The following ASTN2 variants were observed in gnomAD, a reference collection of about 807,000 sequenced individuals.
The protein encoded by ASTN2 is astrotactin 2.
A neutral mutation model predicts 139.8 loss-of-function variants in ASTN2; 54 were observed. That is an observed-to-expected ratio of 0.39 (90% CI 0.31 to 0.48). The LOEUF is 0.48. ASTN2 is among the 20% of genes least tolerant of loss of function. The pLI is 0.95. For synonymous variants in ASTN2, 756 were observed against 719.5 expected (o/e 1.05, Z -0.81); for missense variants, 1,565 against 1,725.1 (o/e 0.91, Z 1.64).
intron 3 of ASTN2, among the ~76,000 whole-genome samples, chr9:117,141,742 T>C (rs1830081193): frequency 6.6e-6 from 1 of 152,216 alleles, no homozygotes; most frequent in African/African-American, 2.4e-5. Flanking sequence ...CCCTTGAGAC[T>C]AGAGGGCTTG....
intron 20 of ASTN2, among the ~76,000 whole-genome samples, chr9:116,446,382 C>T (rs1848000658): frequency 1.3e-5 from 2 of 152,048 alleles, no homozygotes; most frequent in South Asian, 4.2e-4. Context: ...GTCATCATCT[C>T]TCTGAAGCAG....
chr9:116,529,219 C>G (rs1851220543), intron 19 of ASTN2, among the ~76,000 whole-genome samples: 1 of 152,084 alleles, frequency 6.6e-6, no homozygotes, highest in Non-Finnish European at 1.5e-5. Context: ...GATGGAGTAC[C>G]CGAGGCCTTG....
chr9:117,225,425 T>A (rs1832672214), intron 2 of ASTN2, among the ~76,000 whole-genome samples: 1 of 150,894 alleles, frequency 6.6e-6, no homozygotes, highest in Non-Finnish European at 1.5e-5. Context: ...CATGAAAATA[T>A]ACAGATGGGC....
At chr9:116,508,259 A>G (rs1850198225) in intron 19 of ASTN2, among the ~76,000 whole-genome samples, 1 of 152,210 alleles carries the variant, frequency 6.6e-6, no homozygotes, top group South Asian at 2.1e-4. Flanking sequence ...GTCTTCAGAA[A>G]GCTGTCTTGA....
At chr9:117,137,418 G>T (rs1035816626) in intron 4 of ASTN2, among the ~76,000 whole-genome samples, 6 of 152,138 alleles carry the variant, frequency 3.9e-5, no homozygotes, top group Non-Finnish European at 7.4e-5. Flanking sequence ...AACCTCAATG[G>T]CAGGAGAGGG....
At chr9:117,286,211 A>C (rs1834445971) in intron 2 of ASTN2, among the ~76,000 whole-genome samples, 1 of 152,232 alleles carries the variant, frequency 6.6e-6, no homozygotes, top group African/African-American at 2.4e-5. Flanking sequence ...TTGAAATGCC[A>C]ATGTGACAAT....
At chr9:116,806,133 C>T (rs1431724979) in intron 12 of ASTN2, among the ~76,000 whole-genome samples, 1 of 152,200 alleles carries the variant, frequency 6.6e-6, no homozygotes, top group Non-Finnish European at 1.5e-5. Context: ...GCATGACATA[C>T]CAATTCACAG....
intron 4 of ASTN2, among the ~76,000 whole-genome samples, chr9:117,138,064 C>G (rs537923289): frequency 3.3e-5 from 5 of 152,124 alleles, no homozygotes; most frequent in Admixed American, 2.0e-4. Flanking sequence ...GATGTTAATA[C>G]GCTCATTTAC....
At chr9:117,027,689 C>G (rs1238068091) in intron 6 of ASTN2, among the ~76,000 whole-genome samples, 1 of 152,188 alleles carries the variant, frequency 6.6e-6, no homozygotes, top group Non-Finnish European at 1.5e-5. Flanking sequence ...GGAAAAGACT[C>G]CAAGCTTCCC....
intron 19 of ASTN2, among the ~76,000 whole-genome samples, chr9:116,495,900 C>T (rs758815038): frequency 2.2e-4 from 34 of 152,104 alleles, no homozygotes; most frequent in Non-Finnish European, 4.0e-4. Context: ...GGCTCCTTTC[C>T]TCACTCACGC....
chr9:116,481,916 T>C (rs932058961), intron 20 of ASTN2, among the ~76,000 whole-genome samples: 2 of 152,056 alleles, frequency 1.3e-5, no homozygotes, highest in Non-Finnish European at 2.9e-5. Context: ...AGGTGGGCAT[T>C]AAGAATCAGC....
At chr9:117,160,077 C>G (rs545071480) in intron 3 of ASTN2, among the ~76,000 whole-genome samples, 40 of 152,136 alleles carry the variant, frequency 2.6e-4, no homozygotes, top group African/African-American at 9.6e-4. Flanking sequence ...TGTGTCCTAC[C>G]TACTTACATC....
chr9:117,253,805 A>G (rs898861778), intron 2 of ASTN2, among the ~76,000 whole-genome samples: 1 of 152,184 alleles, frequency 6.6e-6, no homozygotes, highest in Non-Finnish European at 1.5e-5. Context: ...CTCTTGTCCT[A>G]GAATGAAGCT....
At chr9:117,137,769 G>A (rs965591511) in intron 4 of ASTN2, among the ~76,000 whole-genome samples, 1 of 151,886 alleles carries the variant, frequency 6.6e-6, no homozygotes, top group Non-Finnish European at 1.5e-5. Context: ...GGCTGTCTTG[G>A]GTAAGTTTGG....
At chr9:116,596,637 G>T (rs1033199737) in intron 19 of ASTN2, among the ~76,000 whole-genome samples, 1 of 152,030 alleles carries the variant, frequency 6.6e-6, no homozygotes, top group African/African-American at 2.4e-5. Flanking sequence ...CTTTTAAAGG[G>T]CAGGCAAATC....
intron 2 of ASTN2, among the ~76,000 whole-genome samples, chr9:117,247,086 G>A (rs538131847): frequency 1.3e-3 from 199 of 152,300 alleles, no homozygotes; most frequent in African/African-American, 1.5e-3. Flanking sequence ...GGGAGATCAC[G>A]GCAGGCAGCT....
At chr9:117,255,078 G>A (rs1216858615) in intron 2 of ASTN2, among the ~76,000 whole-genome samples, 2 of 152,194 alleles carry the variant, frequency 1.3e-5, no homozygotes, top group Non-Finnish European at 2.9e-5. Flanking sequence ...CTGAAGAGGT[G>A]TTGGGGGTCC....
chr9:117,396,147 G>A (rs961385098), intron 1 of ASTN2, among the ~76,000 whole-genome samples: 9 of 152,172 alleles, frequency 5.9e-5, no homozygotes, highest in Non-Finnish European at 8.8e-5. Flanking sequence ...GCTCATCTCT[G>A]GGATTCTGTT....
chr9:116,804,680 A>G (rs545232249), intron 13 of ASTN2, among the ~76,000 whole-genome samples: 1 of 152,278 alleles, frequency 6.6e-6, no homozygotes, highest in African/African-American at 2.4e-5. Flanking sequence ...TATCACTACT[A>G]TTAGTAAGAT....
Sources: allele counts gnomAD v4.1 joint callset (sites outside exome capture counted in the v4.1 genomes callset), GRCh38; gene constraint gnomAD v4.1.1; transcripts MANE v1.5; gene names NCBI Gene and HGNC (gene_info 2026-07-23, HGNC 2026-07-21).